Variants in BUB1B observed in about 807,000 individuals in gnomAD.
BUB1B encodes mitotic checkpoint serine/threonine-protein kinase BUB1 beta.
In BUB1B, 86 loss-of-function variants were observed where a neutral mutation model predicts 137.7. The ratio of observed to expected loss-of-function variants is 0.62; its 90% confidence interval spans 0.52 to 0.75. BUB1B has a LOEUF of 0.75. Ranked by LOEUF, BUB1B falls within the 30% of genes least tolerant of loss-of-function variation. BUB1B has a pLI of 0.00. For missense variants in BUB1B, 1,130 were observed against 1,236.9 expected, an observed-to-expected ratio of 0.91 and a Z score of 1.30; for synonymous variants, 420 against 417.9, an observed-to-expected ratio of 1.00 and a Z score of -0.06.
intron 1 of BUB1B, among the ~76,000 whole-genome samples, chr15:40,162,736 G>A (rs1359166040): frequency 6.6e-6 from 1 of 152,154 alleles, no homozygotes; most frequent in Non-Finnish European, 1.5e-5. Flanking sequence ...GGTCTGGGAG[G>A]AAGTGGGGGC....
intron 8 of BUB1B, among the ~76,000 whole-genome samples, chr15:40,194,990 T>C (rs2037480605): frequency 6.6e-6 from 1 of 152,222 alleles, no homozygotes; most frequent in Non-Finnish European, 1.5e-5. Flanking sequence ...ATTTTCCTTT[T>C]TTTTACATTT....
At chr15:40,170,877 T>G (rs2037154334) in intron 4 of BUB1B, among the ~76,000 whole-genome samples, 196 bp downstream of exon 4, 1 of 152,206 alleles carries the variant, frequency 6.6e-6, no homozygotes, top group South Asian at 2.1e-4. Context: ...TAATAAGGTA[T>G]TTTCGCCCTT....
rs2037668899 is a variant in BUB1B, at chr15:40,208,710, A to G, written c.2083A>G (p.Thr695Ala). 6.2e-7 allele frequency: 1 copy of G among 1,613,682 alleles called. No homozygotes were observed. The highest frequency in any genetic ancestry group is 1.3e-5 in the African/African-American group (1 of 74,912). Residue 695 changes from threonine to alanine, a missense_variant, in exon 16 of 23, where the codon ACC becomes GCC. Transcript: ENST00000287598. ...FSGSSASVAS[T>A]SSIKCLQIPE... Reference sequence around the variant, plus strand: ...TGGTTCTTCTGCCTCGGTTGCAAGCACCTCCTCCATCAAATGTCTTCAAAT... The same window carrying G: ...TGGTTCTTCTGCCTCGGTTGCAAGCGCCTCCTCCATCAAATGTCTTCAAAT...
Position 40,195,596 on chromosome 15 carries a change from C to T in BUB1B, c.1059-949C>T, listed in dbSNP as rs546928416. On this transcript the variant is annotated intron_variant, in intron 8 of 22. Coordinates refer to ENST00000287598, the MANE Select transcript of BUB1B (RefSeq NM_001211.6). ...GTGGTTGTACGAGTTTACATTCCCC[C>T]CAACAGTGTAAACGTGTTCCCGTTT... 1.3e-5 allele frequency among the ~76,000 whole-genome samples: 2 copies of T among 152,162 alleles called. 1 individual carries two copies. The highest frequency in any genetic ancestry group is 4.1e-4 in the South Asian group (2 of 4,832).
At chr15:40,164,984 A>C in intron 1 of BUB1B, 69 bp from the exon 2 acceptor site, 1 of 1,596,146 alleles carries the variant, frequency 6.3e-7, no homozygotes, top group African/African-American at 1.3e-5. Context: ...TTCGGAAGAC[A>C]TTTACAATAA....
chr15:40,183,644 C>G, intron 5 of BUB1B, 70 bp from the exon 6 acceptor site: 1 of 1,484,270 alleles, frequency 6.7e-7, no homozygotes, highest in Non-Finnish European at 9.4e-7. Context: ...TTTACTTTAA[C>G]AAATTGGAAA....
intron 5 of BUB1B, among the ~76,000 whole-genome samples, chr15:40,180,658 TTTTTTTTTTGAGACGGAGTC>T (rs2037279676): frequency 7.4e-6 from 1 of 135,454 alleles, no homozygotes; most frequent in Non-Finnish European, 1.6e-5. Context: ...TTTTTTTTTT[TTTTTTTTTTGAGACGGAGTC>T]TCGCTCTGTC....
intron 1 of BUB1B, among the ~76,000 whole-genome samples, chr15:40,162,876 C>T (rs2037056233): frequency 6.6e-6 from 1 of 151,944 alleles, no homozygotes; most frequent in Non-Finnish European, 1.5e-5. Context: ...AGATCATGGG[C>T]ATACAAAAAT....
chr15:40,211,795 G>A (rs2037715397), intron 18 of BUB1B, among the ~76,000 whole-genome samples: 1 of 151,704 alleles, frequency 6.6e-6, no homozygotes, highest in Non-Finnish European at 1.5e-5. Context: ...GCAGAGGAGG[G>A]AAGCTGGGGT....
rs1465574580 is a variant in BUB1B at position 40,199,869 on chromosome 15, G to A, written c.1401+142G>A. ...TAGCTGTTAGTAGCCGGAAAGTTGA[G>A]CGGGAAAGTAATTTAACAGGTGACT... On this transcript the variant is annotated intron_variant, in intron 10 of 22. Coordinates refer to ENST00000287598, the MANE Select transcript of BUB1B (RefSeq NM_001211.6). 4 of 708,466 alleles carry A rather than the reference G, an allele frequency of 5.6e-6. No homozygotes were observed. In the East Asian group the frequency reaches 1.1e-4, roughly 19 times the overall value. 43.9% of individuals were successfully genotyped at this position (708,466 alleles called of 1,614,324 possible). A position where few individuals can be genotyped will look rare whatever the true frequency, so the allele number is the denominator to read the frequency against.
chr15:40,204,837 T>C lies in BUB1B; in HGVS notation c.1735-1347T>C, dbSNP rs113884118. Among the ~76,000 whole-genome samples, 11 of 151,782 alleles carry C rather than the reference T, an allele frequency of 7.2e-5. 1 individual carries two copies. Among genetic ancestry groups the C allele is most frequent in the African/African-American group, 2.4e-4 (10 of 41,396 alleles). ...TTTTTGGAGAGACAGGGTTTTGCCA[T>C]GTTGCCCAAGCTGGTCTCAAACTCC... is the stretch of plus-strand genomic sequence containing the variant. On this transcript the variant is annotated intron_variant, in intron 14 of 22. Transcript: ENST00000287598.
At chr15:40,212,722 G>A (rs965529813) in intron 19 of BUB1B, 74 bp downstream of exon 19, 52 of 1,393,894 alleles carry the variant, frequency 3.7e-5, no homozygotes, top group Non-Finnish European at 4.8e-5. Flanking sequence ...AAGGAATTTA[G>A]TACAAAATTC....
chr15:40,204,440 CTT>C (rs67153834), intron 14 of BUB1B, among the ~76,000 whole-genome samples: 15 of 143,814 alleles, frequency 1.0e-4, no homozygotes, highest in Admixed American at 1.4e-4. Context: ...CTTCATTTAC[CTT>C]TTTTTTTTTT....
intron 4 of BUB1B, among the ~76,000 whole-genome samples, chr15:40,172,053 TTTC>T (rs1208371847): frequency 1.3e-5 from 2 of 151,986 alleles, no homozygotes; most frequent in South Asian, 2.1e-4. Context: ...ACTGATAAGA[TTTC>T]TTAATAAAAT....
chr15:40,196,414 A>C, intron 8 of BUB1B, 131 bp from the exon 9 acceptor site: 1 of 789,708 alleles, frequency 1.3e-6, no homozygotes, highest in Non-Finnish European at 2.1e-6. Context: ...GAAGTCAGGT[A>C]ATGTAAGGCC....
chr15:40,214,630 A>G (rs2037752165), intron 20 of BUB1B, among the ~76,000 whole-genome samples: 1 of 152,210 alleles, frequency 6.6e-6, no homozygotes, highest in African/African-American at 2.4e-5. Flanking sequence ...TAACGTGGAA[A>G]TTAAAAGAAC....
intron 8 of BUB1B, among the ~76,000 whole-genome samples, chr15:40,188,643 C>T (rs1349632469): frequency 7.0e-6 from 1 of 143,442 alleles, no homozygotes; most frequent in East Asian, 2.0e-4. Flanking sequence ...AGTGCAGTGG[C>T]GCCGTCTCAG....
rs893593630 is a variant in BUB1B at position 40,202,653 on chromosome 15, G to C, written c.1693G>C (p.Glu565Gln). 2.5e-6 allele frequency: 4 copies of C among 1,614,118 alleles called. No individual in the cohort carries two copies. The highest frequency in any genetic ancestry group is 2.5e-6 in the Non-Finnish European group (3 of 1,180,002). The stretch of plus-strand genomic sequence containing the variant: ...ACCCCTTGCAGTTCTCAAAACCTCA[G>C]AAAGCATCACCTCAAATGAAGATGT... ...RRPLAVLKTS[E>Q]SITSNEDVSP... is the part of the protein sequence containing the mutation. Residue 565 changes from glutamate (E) to glutamine (Q), a missense_variant, in exon 14 of 23, where the codon GAA becomes CAA. Glu to Gln is a conservative substitution (Grantham distance 29). Coordinates refer to ENST00000287598, the MANE Select transcript of BUB1B (RefSeq NM_001211.6).
intron 2 of BUB1B, 34 bp from the exon 3 acceptor site, chr15:40,170,028 T>C (rs2037143612): frequency 6.5e-7 from 1 of 1,545,814 alleles, no homozygotes; most frequent in Non-Finnish European, 8.9e-7. Context: ...GTTGTCACTA[T>C]TGCATATGCT....
Sources: allele counts gnomAD v4.1 joint callset (sites outside exome capture counted in the v4.1 genomes callset), GRCh38; gene constraint gnomAD v4.1.1; transcripts MANE v1.5; gene names NCBI Gene and HGNC (gene_info 2026-07-23, HGNC 2026-07-21).